PDE3B: variants seen among roughly 807,000 people sequenced by gnomAD.
The protein encoded by PDE3B is phosphodiesterase 3B, also known as cGMP-inhibited 3',5'-cyclic phosphodiesterase 3B.
A neutral mutation model predicts 116.8 loss-of-function variants in PDE3B; 66 were observed. The observed-to-expected ratio is 0.56, with a 90% CI of 0.46 to 0.69. The LOEUF (loss-of-function observed/expected upper bound fraction) is 0.69, where lower values mean the gene tolerates loss of function less well. Among genes scored for constraint, PDE3B ranks in the 30% least tolerant of loss-of-function variants. The pLI is 0.00. For missense variants in PDE3B, 1,384 were observed against 1,368.1 expected, an observed-to-expected ratio of 1.01 and a Z score of -0.18; for synonymous variants, 595 against 533.6, an observed-to-expected ratio of 1.12 and a Z score of -1.59.
intron 4 of PDE3B, among the ~76,000 whole-genome samples, chr11:14,796,289 G>A (rs369173967): frequency 3.9e-5 from 6 of 152,046 alleles, no homozygotes; most frequent in African/African-American, 7.2e-5. Flanking sequence ...TGGACACTTC[G>A]GTTGGTTCCA....
chr11:14,691,647 A>C (rs1855043839), intron 1 of PDE3B, among the ~76,000 whole-genome samples: 1 of 152,182 alleles, frequency 6.6e-6, no homozygotes, highest in Admixed American at 6.5e-5. Flanking sequence ...GCAGTGAACA[A>C]CACAAAATTT....
the PDE3B span, among the ~76,000 whole-genome samples, chr11:14,885,249 A>G: frequency 2.0e-5 from 3 of 152,146 alleles, no homozygotes; most frequent in South Asian, 2.1e-4. Context: ...GATTTTGTCA[A>G]CTTTCAGTCT....
Position 14,643,817 on chromosome 11 carries a change from G to A in PDE3B, c.-259G>A. On this transcript the variant is annotated 5_prime_UTR_variant, in exon 1 of 16. Coordinates refer to ENST00000282096, the MANE Select transcript of PDE3B (RefSeq NM_000922.4). ...CACTGAGTCTCCAGTCCCGAGAGGT[G>A]CCCGAGGGAAAAGGAGGCGGCAGCT... 2.3e-6 allele frequency: 1 copy of A among 440,988 alleles called. No individual in the cohort carries two copies. Among genetic ancestry groups the A allele is most frequent in the East Asian group, 3.6e-5 (1 of 27,398 alleles). 27.3% of individuals were successfully genotyped at this position (440,988 alleles called of 1,614,324 possible).
intron 1 of PDE3B, among the ~76,000 whole-genome samples, chr11:14,727,571 T>G (rs1336074011): frequency 6.6e-6 from 1 of 152,190 alleles, no homozygotes; most frequent in Non-Finnish European, 1.5e-5. Context: ...GTAAAGTTAA[T>G]ACTTCTTTTT....
intron 1 of PDE3B, among the ~76,000 whole-genome samples, chr11:14,653,939 A>G (rs757125605): frequency 3.3e-5 from 5 of 152,140 alleles, no homozygotes; most frequent in Non-Finnish European, 5.9e-5. Flanking sequence ...TCGAGGCTGC[A>G]GTGAGCTCTG....
At chr11:14,858,141 A>G (rs1252950589) in intron 12 of PDE3B, among the ~76,000 whole-genome samples, 2 of 152,208 alleles carry the variant, frequency 1.3e-5, no homozygotes, top group Admixed American at 6.5e-5. Flanking sequence ...TATTCAATTA[A>G]GCTCTCAGAA....
At chr11:14,757,363 C>T (rs1857220033) in intron 1 of PDE3B, among the ~76,000 whole-genome samples, 1 of 149,564 alleles carries the variant, frequency 6.7e-6, no homozygotes, top group South Asian at 2.2e-4. Context: ...TTCTAGATCC[C>T]TGAGGAATCG....
intron 1 of PDE3B, among the ~76,000 whole-genome samples, chr11:14,665,371 T>C (rs975550737): frequency 7.2e-5 from 11 of 152,258 alleles, no homozygotes; most frequent in East Asian, 1.9e-4. Flanking sequence ...ACAGGGATGC[T>C]GTCTCTCACC....
chr11:14,848,728 T>A (rs1450912355), intron 12 of PDE3B, among the ~76,000 whole-genome samples: 1 of 152,122 alleles, frequency 6.6e-6, no homozygotes, highest in Non-Finnish European at 1.5e-5. Flanking sequence ...ATGAGTGAAC[T>A]CCCATTCACA....
chr11:14,654,363 A>G (rs780047490), intron 1 of PDE3B, among the ~76,000 whole-genome samples: 5 of 152,218 alleles, frequency 3.3e-5, no homozygotes, highest in Non-Finnish European at 5.9e-5. Context: ...ACTTATTAGT[A>G]GCCACAGTGG....
intron 1 of PDE3B, among the ~76,000 whole-genome samples, chr11:14,680,529 T>C (rs1854671384): frequency 6.6e-6 from 1 of 152,220 alleles, no homozygotes. Flanking sequence ...GGCAAGTTTG[T>C]ATTGCTGTCT....
At chr11:14,887,915 A>C in the PDE3B span, among the ~76,000 whole-genome samples, 15,470 of 152,184 alleles carry the variant, frequency 0.1, 1,021 homozygotes, top group African/African-American at 0.18. Flanking sequence ...TTATAACAAC[A>C]ACCTCCTAAC....
At chr11:14,755,245 A>G (rs968375778) in intron 1 of PDE3B, among the ~76,000 whole-genome samples, 3 of 152,164 alleles carry the variant, frequency 2.0e-5, no homozygotes, top group African/African-American at 7.2e-5. Context: ...TTCCCACACA[A>G]ATTTATGGCA....
the PDE3B span, chr11:14,887,865 A>T: frequency 6.5e-6 from 1 of 152,852 alleles, no homozygotes; most frequent in East Asian, 1.9e-4. Context: ...AATTTATTAT[A>T]ACCTGCAGGT....
chr11:14,750,845 C>T (rs1857041394), intron 1 of PDE3B, among the ~76,000 whole-genome samples: 1 of 152,054 alleles, frequency 6.6e-6, no homozygotes, highest in East Asian at 1.9e-4. Context: ...TTATTATCTC[C>T]CTGCATCTAC....
intron 1 of PDE3B, among the ~76,000 whole-genome samples, chr11:14,695,268 C>T (rs1432585326): frequency 2.0e-5 from 3 of 152,238 alleles, no homozygotes; most frequent in South Asian, 4.1e-4. Context: ...CACATTGTTA[C>T]GTTATCACCA....
In PDE3B at chr11:14,759,625, T is replaced by C. The variant is rs148537705; in HGVS notation, c.979-12312T>C. ...GTGCAGTGGCGTGGTCTCGGCTCAC[T>C]GAAACCTCCGCCTCCTGGGTTCAAG... On this transcript the variant is annotated intron_variant, in intron 1 of 15. Transcript: ENST00000282096. 1.9e-3 allele frequency among the ~76,000 whole-genome samples: 283 copies of C among 149,906 alleles called. 1 individual carries two copies. Among genetic ancestry groups the C allele is most frequent in the African/African-American group, 6.4e-3 (259 of 40,712 alleles).
At position 14,666,414 on chromosome 11, in the gene PDE3B, G is replaced by A. The variant is rs200893786; in HGVS notation, c.978+21361G>A. On this transcript the variant is annotated intron_variant, in intron 1 of 15. Coordinates refer to ENST00000282096, the MANE Select transcript of PDE3B (RefSeq NM_000922.4). ...TAAAACACCAAAAGCAATGGCAACA[G>A]AAGCCAAAATTGACAAATGGGATCT... 1.8e-3 allele frequency among the ~76,000 whole-genome samples: 267 copies of A among 151,334 alleles called. 2 individuals carry two copies. In the East Asian group the frequency reaches 0.021, roughly 12 times the overall value.
At chr11:14,847,098 C>G (rs1217452236) in intron 12 of PDE3B, among the ~76,000 whole-genome samples, 1 of 152,142 alleles carries the variant, frequency 6.6e-6, no homozygotes. Context: ...AAGTAAAGCT[C>G]TCCTCAGCAA....
Sources: allele counts gnomAD v4.1 joint callset (sites outside exome capture counted in the v4.1 genomes callset), GRCh38; gene constraint gnomAD v4.1.1; transcripts MANE v1.5; gene names NCBI Gene and HGNC (gene_info 2026-07-23, HGNC 2026-07-21).